Variants in EEFSEC observed in about 807,000 individuals in gnomAD.
EEFSEC encodes selenocysteine-specific elongation factor.
EEFSEC carries 43 observed loss-of-function variants against 42.1 expected under a neutral mutation model. That is an observed-to-expected ratio of 1.02 (90% CI 0.80 to 1.32). The LOEUF is 1.32. Ranked by LOEUF, EEFSEC falls within the 40% of genes most tolerant of loss-of-function variation. The pLI, the probability that EEFSEC is intolerant of heterozygous loss-of-function variation, is 0.00. For missense variants in EEFSEC, 745 were observed against 803.6 expected (o/e 0.93, Z 0.88); for synonymous variants, 354 against 339.1 (o/e 1.04, Z -0.48).
At chr3:128,211,102 C>T (rs924748099) in intron 1 of EEFSEC, among the ~76,000 whole-genome samples, 2 of 152,130 alleles carry the variant, frequency 1.3e-5, no homozygotes, top group Non-Finnish European at 2.9e-5. Flanking sequence ...TTAATAATAT[C>T]CATTTTGCAG....
chr3:128,182,171 A>G (rs1329279214), intron 1 of EEFSEC, among the ~76,000 whole-genome samples: 1 of 152,254 alleles, frequency 6.6e-6, no homozygotes, highest in Non-Finnish European at 1.5e-5. Flanking sequence ...ACGACAGCTA[A>G]TGATAATCAA....
intron 1 of EEFSEC, among the ~76,000 whole-genome samples, chr3:128,172,201 T>C (rs147761357): frequency 3.6e-4 from 55 of 152,306 alleles, no homozygotes; most frequent in Non-Finnish European, 6.5e-4. Context: ...AACTTCTGAT[T>C]TGAGGTGCCT....
chr3:128,266,472 C>T (rs139932010), intron 4 of EEFSEC, among the ~76,000 whole-genome samples: 36 of 152,188 alleles, frequency 2.4e-4, no homozygotes, highest in Non-Finnish European at 4.4e-4. Flanking sequence ...CCTGAGGTTT[C>T]AACCCCCCAG....
Position 128,341,540 on chromosome 3 carries a change from A to G in EEFSEC, c.1094A>G (p.Asp365Gly). ...AACTTTGACCAGGAGCCTATACTGGACTCTTTCAACTTCTCTCAAGAATAC... is the reference window on the plus strand; with the variant it reads ...AACTTTGACCAGGAGCCTATACTGGGCTCTTTCAACTTCTCTCAAGAATAC... The part of the protein sequence containing the change: ...PDNFDQEPIL[D>G]SFNFSQEYLF... The change falls in exon 5 of 7, where the codon GAC becomes GGC. Residue 365 changes from aspartate (D) to glycine (G), a missense_variant. By Grantham distance (94) the Asp-to-Gly change is moderately conservative. Coordinates refer to ENST00000254730, the MANE Select transcript of EEFSEC (RefSeq NM_021937.5). 1 of 1,613,868 alleles carries G rather than the reference A, an allele frequency of 6.2e-7. No homozygotes were observed. The highest frequency in any genetic ancestry group is 8.5e-7 in the Non-Finnish European group (1 of 1,180,014).
At chr3:128,326,613 A>C (rs935694059) in intron 4 of EEFSEC, among the ~76,000 whole-genome samples, 1 of 152,050 alleles carries the variant, frequency 6.6e-6, no homozygotes, top group Non-Finnish European at 1.5e-5. Flanking sequence ...TCCTCCCAGC[A>C]CCTGACCCCT....
chr3:128,349,399 T>G (rs1003055959), intron 5 of EEFSEC, among the ~76,000 whole-genome samples: 1 of 152,214 alleles, frequency 6.6e-6, no homozygotes, highest in Admixed American at 6.5e-5. Flanking sequence ...CACCTGGTCG[T>G]CTGGAGCCGC....
intron 4 of EEFSEC, among the ~76,000 whole-genome samples, chr3:128,319,537 C>G (rs1278825404): frequency 1.3e-5 from 2 of 152,188 alleles, no homozygotes; most frequent in Non-Finnish European, 2.9e-5. Flanking sequence ...CCTCAACAGA[C>G]TTTGCACAAA....
intron 6 of EEFSEC, among the ~76,000 whole-genome samples, chr3:128,366,134 G>A (rs980852274): frequency 2.6e-5 from 4 of 152,244 alleles, no homozygotes; most frequent in South Asian, 2.1e-4. Context: ...CAGGCCTGCA[G>A]GAGTTGGGGA....
intron 1 of EEFSEC, among the ~76,000 whole-genome samples, chr3:128,232,803 C>A (rs1158777377): frequency 6.6e-6 from 1 of 152,202 alleles, no homozygotes; most frequent in Non-Finnish European, 1.5e-5. Context: ...AAAGGCAAAA[C>A]TCCCTGGTTA....
At chr3:128,300,902 T>C (rs2066760054) in intron 4 of EEFSEC, among the ~76,000 whole-genome samples, 1 of 140,290 alleles carries the variant, frequency 7.1e-6, no homozygotes, top group African/African-American at 2.5e-5. Flanking sequence ...CTGTGCTTAT[T>C]GTTCTATGCT....
intron 4 of EEFSEC, among the ~76,000 whole-genome samples, chr3:128,289,660 A>G (rs970427413): frequency 2.1e-4 from 32 of 152,238 alleles, no homozygotes; most frequent in African/African-American, 7.5e-4. Flanking sequence ...CAAACAAAAC[A>G]TGTCTGCAGC....
chr3:128,214,791 A>T (rs1427783205), intron 1 of EEFSEC, among the ~76,000 whole-genome samples: 1 of 152,230 alleles, frequency 6.6e-6, no homozygotes, highest in Non-Finnish European at 1.5e-5. Flanking sequence ...ACTGGAAATT[A>T]TCTTGCTCTG....
chr3:128,166,163 G>C (rs924704105), intron 1 of EEFSEC, among the ~76,000 whole-genome samples: 17 of 152,202 alleles, frequency 1.1e-4, no homozygotes, highest in African/African-American at 3.6e-4. Context: ...CAGACAAGTA[G>C]ACCACAGGAA....
the EEFSEC span, among the ~76,000 whole-genome samples, chr3:128,421,687 G>C: frequency 2.0e-5 from 3 of 152,172 alleles, no homozygotes; most frequent in Non-Finnish European, 2.9e-5. Context: ...GGGGTGGGGG[G>C]GCGCATTCCT....
At chr3:128,288,501 C>T (rs1439317242) in intron 4 of EEFSEC, among the ~76,000 whole-genome samples, 2 of 152,152 alleles carry the variant, frequency 1.3e-5, no homozygotes, top group African/African-American at 4.8e-5. Context: ...TCTCTGGGAC[C>T]CCAAGATAGG....
chr3:128,365,304 G>A (rs755200966), intron 6 of EEFSEC, among the ~76,000 whole-genome samples: 14 of 152,204 alleles, frequency 9.2e-5, no homozygotes, highest in Non-Finnish European at 1.5e-4. Flanking sequence ...CTCTGGTTTA[G>A]GAGAGGGACG....
intron 1 of EEFSEC, among the ~76,000 whole-genome samples, chr3:128,181,786 T>G (rs2065408433): frequency 6.6e-6 from 1 of 152,122 alleles, no homozygotes; most frequent in Non-Finnish European, 1.5e-5. Context: ...GCCATGTTTG[T>G]TTTTGTTTTT....
At chr3:128,223,167 C>G (rs2065877251) in intron 1 of EEFSEC, among the ~76,000 whole-genome samples, 1 of 152,186 alleles carries the variant, frequency 6.6e-6, no homozygotes, top group African/African-American at 2.4e-5. Flanking sequence ...GATTGGTAAA[C>G]ACATTGATAT....
intron 1 of EEFSEC, among the ~76,000 whole-genome samples, chr3:128,198,344 G>A (rs889456587): frequency 3.3e-5 from 5 of 152,330 alleles, no homozygotes; most frequent in Non-Finnish European, 5.9e-5. Context: ...GTGCCTCTTA[G>A]CATTTCTTCC....
Sources: allele counts gnomAD v4.1 joint callset (sites outside exome capture counted in the v4.1 genomes callset), GRCh38; gene constraint gnomAD v4.1.1; transcripts MANE v1.5; gene names NCBI Gene and HGNC (gene_info 2026-07-23, HGNC 2026-07-21).